The following NBEA variants were observed in gnomAD, a reference collection of about 807,000 sequenced individuals.
NBEA encodes the protein lysosomal-trafficking regulator 2.
NBEA carries 44 observed loss-of-function variants against 343.4 expected under a neutral mutation model. That is an observed-to-expected ratio of 0.13 (90% CI 0.10 to 0.16). NBEA has a LOEUF of 0.16. Ranked by LOEUF, NBEA falls within the 10% of genes least tolerant of loss-of-function variation. NBEA has a pLI of 1.00. For missense variants in NBEA, 2,555 were observed against 3,631.3 expected (o/e 0.70, Z 7.62); for synonymous variants, 1,175 against 1,238.7 (o/e 0.95, Z 1.08).
intron 33 of NBEA, among the ~76,000 whole-genome samples, chr13:35,221,111 C>T (rs777291710): frequency 4.0e-5 from 6 of 151,896 alleles, no homozygotes; most frequent in Non-Finnish European, 8.8e-5. Flanking sequence ...TTTGGGAGGC[C>T]GAGGTGGGCA....
chr13:34,973,780 A>C (rs993253336), intron 1 of NBEA, among the ~76,000 whole-genome samples: 1 of 152,102 alleles, frequency 6.6e-6, no homozygotes, highest in Non-Finnish European at 1.5e-5. Context: ...GTGCCATGGA[A>C]GTGGGGTCCG....
intron 41 of NBEA, among the ~76,000 whole-genome samples, chr13:35,534,834 T>A (rs7320016): frequency 2.0e-5 from 3 of 152,190 alleles, no homozygotes; most frequent in Admixed American, 2.0e-4. Flanking sequence ...TTTTTTTTGA[T>A]GAACAAATTA....
rs576261074 is a variant in NBEA at position 34,966,958 on chromosome 13, CT to C, written c.294+23860del. On this transcript the variant is annotated intron_variant, in intron 1 of 58. Coordinates refer to ENST00000379939, the MANE Select transcript of NBEA (RefSeq NM_001385012.1). ...ACACTATTTCTTTCAACTAACCTTT[CT>C]TTTTTTTTTTTTTTTCTCATAACAA... 5.2e-3 allele frequency among the ~76,000 whole-genome samples: 677 copies of C among 131,128 alleles called. 1 individual carries two copies. The highest frequency in any genetic ancestry group is 8.8e-3 in the African/African-American group (315 of 35,966). 86.0% of individuals were successfully genotyped at this position (131,128 alleles called of 152,430 possible).
At chr13:35,559,467 T>C (rs1489946022) in intron 44 of NBEA, among the ~76,000 whole-genome samples, 1 of 152,182 alleles carries the variant, frequency 6.6e-6, no homozygotes, top group East Asian at 1.9e-4. Flanking sequence ...AGGATGTTAG[T>C]CTTCTTTTTG....
intron 1 of NBEA, among the ~76,000 whole-genome samples, chr13:34,997,299 T>C (rs573403404): frequency 2.0e-4 from 30 of 152,332 alleles, no homozygotes; most frequent in African/African-American, 7.0e-4. Flanking sequence ...AGTATCCATT[T>C]GACTCTATAA....
chr13:34,971,661 A>AT (rs1163021542), intron 1 of NBEA, among the ~76,000 whole-genome samples: 1 of 151,970 alleles, frequency 6.6e-6, no homozygotes, highest in African/African-American at 2.4e-5. Flanking sequence ...ACATTTATTG[A>AT]TTTTTTTATG....
chr13:35,567,449 A>G (rs1030855188), intron 45 of NBEA, among the ~76,000 whole-genome samples: 5 of 152,222 alleles, frequency 3.3e-5, no homozygotes, highest in African/African-American at 9.6e-5. Context: ...GTCTGTCTAT[A>G]TATGAGAGAG....
intron 41 of NBEA, among the ~76,000 whole-genome samples, chr13:35,519,398 T>C (rs1217526112): frequency 6.6e-6 from 1 of 152,194 alleles, no homozygotes; most frequent in Non-Finnish European, 1.5e-5. Context: ...AAAGGTGGGA[T>C]CATACAAGTC....
chr13:35,148,531 A>G (rs1030711063), intron 18 of NBEA, among the ~76,000 whole-genome samples: 4 of 152,200 alleles, frequency 2.6e-5, no homozygotes, highest in African/African-American at 9.6e-5. Flanking sequence ...AATATTCATC[A>G]TTGCAAAAAC....
intron 34 of NBEA, among the ~76,000 whole-genome samples, chr13:35,281,128 T>C (rs2035024470): frequency 6.6e-6 from 1 of 152,146 alleles, no homozygotes; most frequent in African/African-American, 2.4e-5. Context: ...CAATGACATG[T>C]AATTTTTTGT....
At chr13:35,134,092 G>C (rs2067582254) in intron 17 of NBEA, among the ~76,000 whole-genome samples, 1 of 151,966 alleles carries the variant, frequency 6.6e-6, no homozygotes, top group South Asian at 2.1e-4. Flanking sequence ...ATTTTGAAAG[G>C]AATAATTTAA....
chr13:35,555,322 A>G (rs1054130477), intron 44 of NBEA, among the ~76,000 whole-genome samples: 8 of 152,072 alleles, frequency 5.3e-5, no homozygotes, highest in African/African-American at 1.9e-4. Flanking sequence ...TCCTTCTGCC[A>G]TTTCCTTTGC....
chr13:35,383,611 G>A (rs1458919297), intron 38 of NBEA, among the ~76,000 whole-genome samples: 1 of 152,104 alleles, frequency 6.6e-6, no homozygotes, highest in African/African-American at 2.4e-5. Context: ...GCATAGCCAA[G>A]CGATGTGACT....
intron 10 of NBEA, among the ~76,000 whole-genome samples, chr13:35,090,189 A>G (rs1025841783): frequency 5.3e-5 from 8 of 151,894 alleles, no homozygotes; most frequent in Admixed American, 3.9e-4. Context: ...GTGTTCCTGT[A>G]ATCAAATATA....
intron 1 of NBEA, among the ~76,000 whole-genome samples, chr13:35,003,072 A>C (rs1332117302): frequency 6.6e-6 from 1 of 152,192 alleles, no homozygotes; most frequent in African/African-American, 2.4e-5. Flanking sequence ...ACTCAATCCA[A>C]AGATGGCAAG....
At chr13:35,369,089 T>C in intron 38 of NBEA, among the ~76,000 whole-genome samples, 1 of 151,808 alleles carries the variant, frequency 6.6e-6, no homozygotes, top group East Asian at 1.9e-4. Context: ...TTAGTTCCTT[T>C]TTTTATATAG....
intron 34 of NBEA, among the ~76,000 whole-genome samples, chr13:35,252,545 G>A (rs1352748948): frequency 1.3e-5 from 2 of 152,172 alleles, no homozygotes; most frequent in African/African-American, 4.8e-5. Context: ...GTGTGTGATC[G>A]ACTGGGGAGC....
intron 45 of NBEA, among the ~76,000 whole-genome samples, chr13:35,576,572 A>G (rs1355814641): frequency 6.6e-6 from 1 of 152,218 alleles, no homozygotes; most frequent in Admixed American, 6.5e-5. Flanking sequence ...AATTATCTCT[A>G]TGAGATAAAC....
At chr13:35,221,376 A>G (rs757805960) in intron 33 of NBEA, among the ~76,000 whole-genome samples, 11 of 151,798 alleles carry the variant, frequency 7.2e-5, no homozygotes, top group East Asian at 3.9e-4. Context: ...AAAACTTCCA[A>G]TTGTCTATCT....
Sources: allele counts gnomAD v4.1 joint callset (sites outside exome capture counted in the v4.1 genomes callset), GRCh38; gene constraint gnomAD v4.1.1; transcripts MANE v1.5; gene names NCBI Gene and HGNC (gene_info 2026-07-23, HGNC 2026-07-21).